The following DENND4C variants were observed in gnomAD, a reference collection of about 807,000 sequenced individuals.
The protein encoded by DENND4C is DENN domain containing 4C.
In DENND4C, 108 loss-of-function variants were observed where a neutral mutation model predicts 203.0. The observed-to-expected ratio is 0.53, with a 90% CI of 0.46 to 0.62. DENND4C has a LOEUF of 0.62. Ranked by LOEUF, DENND4C falls within the 20% of genes least tolerant of loss-of-function variation. The probability of loss-of-function intolerance (pLI) is 0.00; values close to 1 mark genes in which losing one functional copy is unlikely to be tolerated. For synonymous variants in DENND4C, 871 were observed against 792.4 expected, an observed-to-expected ratio of 1.10 and a Z score of -1.67; for missense variants, 2,481 against 2,301.2, an observed-to-expected ratio of 1.08 and a Z score of -1.60.
intron 1 of DENND4C, among the ~76,000 whole-genome samples, chr9:19,268,948 C>G (rs1831068662): frequency 6.6e-6 from 1 of 152,048 alleles, no homozygotes; most frequent in Admixed American, 6.6e-5. Flanking sequence ...CCATAACCTT[C>G]TTGTACTTGA....
chr9:19,289,344 A>G (rs986690181), intron 4 of DENND4C, among the ~76,000 whole-genome samples: 4 of 152,234 alleles, frequency 2.6e-5, no homozygotes, highest in African/African-American at 9.6e-5. Context: ...TGTGAAAAGA[A>G]GCAGTGCTAA....
Position 19,342,676 on chromosome 9 carries a change from T to C in DENND4C, c.3048T>C (p.Pro1016=), listed in dbSNP as rs761558638. 8.7e-6 allele frequency: 14 copies of C among 1,612,282 alleles called. No homozygotes were observed. The Admixed American group carries it at 2.3e-4, about 27-fold the overall frequency. Reference sequence around the variant, plus strand: ...CTATTGTGGCAAAACATTCACAACCTAGTCCAGAGCCTCACAGTCCTACTG... The same window carrying C: ...CTATTGTGGCAAAACATTCACAACCCAGTCCAGAGCCTCACAGTCCTACTG... ...ASAIVAKHSQ[P]SPEPHSPTEP... The change falls in exon 22 of 33, where the codon CCT becomes CCC. Residue 1016 remains proline (P), a synonymous_variant. Transcript: ENST00000434457.
intron 1 of DENND4C, among the ~76,000 whole-genome samples, chr9:19,261,704 G>C (rs1040002641): frequency 3.3e-5 from 5 of 151,092 alleles, no homozygotes; most frequent in Non-Finnish European, 5.9e-5. Flanking sequence ...ACAACTTCTT[G>C]CTATGTTGCC....
rs1472249435 is a variant in DENND4C, at chr9:19,374,205, C to T, written c.*2032C>T. Among the ~76,000 whole-genome samples the T allele has an allele frequency of 6.6e-6, 1 of 151,988 alleles. No homozygotes were observed. The highest frequency in any genetic ancestry group is 1.5e-5 in the Non-Finnish European group (1 of 68,010). On this transcript the variant is annotated 3_prime_UTR_variant, in exon 33 of 33. Coordinates refer to ENST00000434457, the MANE Select transcript of DENND4C (RefSeq NM_001330640.2). ...ATTTTGTTTTTTCCATTCCTTCACT[C>T]GTAACTTGAACTCAAGTTTTCACTT... is the stretch of plus-strand genomic sequence containing the variant.
rs765322133 is a variant in DENND4C, at chr9:19,346,982, G to A, written c.4213G>A (p.Gly1405Arg). Residue 1405 changes from glycine to arginine, a missense_variant, in exon 23 of 33, where the codon GGG (glycine) becomes AGG (arginine). Transcript: ENST00000434457. Reference protein sequence around the residue: ...SGLKLDNILSGPKIDVLKSGM... With the variant: ...SGLKLDNILSRPKIDVLKSGM... ...GCTAAAGCTGGATAATATACTCTCAGGGCCCAAGATAGATGTCCTGAAATC... is the reference window on the plus strand; with the variant it reads ...GCTAAAGCTGGATAATATACTCTCAAGGCCCAAGATAGATGTCCTGAAATC... The A allele has an allele frequency of 5.9e-5, 96 of 1,614,030 alleles. No individual in the cohort carries two copies. Among genetic ancestry groups the A allele is most frequent in the Non-Finnish European group, 7.9e-5 (93 of 1,180,030 alleles).
intron 12 of DENND4C, among the ~76,000 whole-genome samples, chr9:19,319,393 CAT>C (rs1309930109): frequency 0.018 from 2,332 of 132,434 alleles, 69 homozygotes; most frequent in African/African-American, 0.063. Flanking sequence ...TATATATATA[CAT>C]ATATATATAC....
At chr9:19,334,936 T>A (rs760433800) in intron 17 of DENND4C, 41 bp from the exon 18 acceptor site, 8 of 1,540,270 alleles carry the variant, frequency 5.2e-6, no homozygotes, top group Non-Finnish European at 7.0e-6. Flanking sequence ...ACAGATAGAT[T>A]AGTATACTAA....
At chr9:19,301,997 G>C (rs886639060) in intron 9 of DENND4C, among the ~76,000 whole-genome samples, 1 of 152,116 alleles carries the variant, frequency 6.6e-6, no homozygotes, top group African/African-American at 2.4e-5. Context: ...AAGCCCCTTT[G>C]TCAGAATCGT....
chr9:19,308,978 C>T (rs1172679597), intron 10 of DENND4C, among the ~76,000 whole-genome samples: 2 of 152,002 alleles, frequency 1.3e-5, no homozygotes, highest in Non-Finnish European at 1.5e-5. Context: ...GTTAAAAGAC[C>T]TTATATTATA....
intron 20 of DENND4C, 50 bp downstream of exon 20, chr9:19,336,882 CT>C: frequency 2.7e-6 from 4 of 1,504,768 alleles, no homozygotes; most frequent in Non-Finnish European, 3.6e-6. Context: ...CATGTTAAAT[CT>C]TTCCTTTTTC....
intron 22 of DENND4C, among the ~76,000 whole-genome samples, chr9:19,345,259 A>G (rs533083504): frequency 2.6e-5 from 4 of 152,204 alleles, no homozygotes; most frequent in African/African-American, 9.6e-5. Flanking sequence ...CCATTAGCAT[A>G]TTTTTTCTCT....
intron 28 of DENND4C, among the ~76,000 whole-genome samples, chr9:19,359,870 C>G (rs1187910184): frequency 1.3e-5 from 2 of 152,068 alleles, no homozygotes; most frequent in African/African-American, 2.4e-5. Flanking sequence ...ATTGCCCCAT[C>G]AGTTTAGAGT....
intron 1 of DENND4C, among the ~76,000 whole-genome samples, chr9:19,262,667 A>G (rs1024036535): frequency 1.5e-4 from 23 of 151,082 alleles, no homozygotes; most frequent in Admixed American, 4.0e-4. Flanking sequence ...CCTGGCCTCA[A>G]GTGATCCATC....
chr9:19,238,071 G>GTTTC (rs1377457441), intron 1 of DENND4C, among the ~76,000 whole-genome samples: 1 of 149,328 alleles, frequency 6.7e-6, no homozygotes, highest in Non-Finnish European at 1.5e-5. Flanking sequence ...CTCTTCCTCT[G>GTTTC]TTTCTTTCTT....
chr9:19,282,715 C>CTCTTTTTTTTTT (rs758751945), intron 2 of DENND4C, among the ~76,000 whole-genome samples: 37 of 86,660 alleles, frequency 4.3e-4, no homozygotes, highest in South Asian at 1.0e-3. Flanking sequence ...TTTCTTCTCT[C>CTCTTTTTTTTTT]TTTTTTTTTT....
At position 19,350,692 on chromosome 9, in the gene DENND4C, TCAA is replaced by T. The variant is rs1264411839; in HGVS notation, c.4318-9_4318-7del. ...TTTATGTATGTGGAATTTTTTTTTT[TCAA>T]TTAAAGGAAGAAACTAATAGAGACT... On this transcript the variant is annotated splice_polypyrimidine_tract_variant and splice_region_variant and intron_variant, in intron 23 of 32. Coordinates refer to ENST00000434457, the MANE Select transcript of DENND4C (RefSeq NM_001330640.2). 4 of 1,595,746 alleles carry T rather than the reference TCAA, an allele frequency of 2.5e-6. No individual in the cohort carries two copies. The highest frequency in any genetic ancestry group is 3.6e-5 in the Admixed American group (2 of 55,622).
intron 5 of DENND4C, among the ~76,000 whole-genome samples, chr9:19,295,329 C>T (rs1234831130): frequency 6.6e-6 from 1 of 152,122 alleles, no homozygotes; most frequent in Non-Finnish European, 1.5e-5. Flanking sequence ...CACGGTGAAA[C>T]CCTGTCTCTA....
rs764199621 is a variant in DENND4C at position 19,358,796 on chromosome 9, T to C, written c.5160+636T>C. Among the ~76,000 whole-genome samples, 10 of 152,000 alleles carry C rather than the reference T, an allele frequency of 6.6e-5. No individual in the cohort carries two copies. The highest frequency in any genetic ancestry group is 6.2e-4 in the South Asian group (3 of 4,830). ...CAGTTTTCCATAATCCAGATTTTGCTGATTGCAACGATAAAAGTTGGAATT... is the reference window on the plus strand; with the variant it reads ...CAGTTTTCCATAATCCAGATTTTGCCGATTGCAACGATAAAAGTTGGAATT... On this transcript the variant is annotated intron_variant, in intron 28 of 32. Transcript: ENST00000434457. The surrounding 1 kb of genome is among the most constrained non-coding windows in gnomAD (Gnocchi z 4.8).
chr9:19,333,171 C>T (rs968887478), intron 17 of DENND4C, among the ~76,000 whole-genome samples: 9 of 151,774 alleles, frequency 5.9e-5, no homozygotes, highest in African/African-American at 1.9e-4. Context: ...CACACCACCA[C>T]GTCTAATTTT....
Sources: allele counts gnomAD v4.1 joint callset (sites outside exome capture counted in the v4.1 genomes callset), GRCh38; gene constraint gnomAD v4.1.1; non-coding constraint Gnocchi (gnomAD v3.1); transcripts MANE v1.5; gene names NCBI Gene and HGNC (gene_info 2026-07-23, HGNC 2026-07-21).